The following BDP1 variants were observed in gnomAD, a reference collection of about 807,000 sequenced individuals.
BDP1 encodes the protein transcription factor TFIIIB component B'' homolog.
A neutral mutation model predicts 266.6 loss-of-function variants in BDP1; 169 were observed. The ratio of observed to expected loss-of-function variants is 0.63; its 90% CI spans 0.56 to 0.72. The LOEUF (loss-of-function observed/expected upper bound fraction) is 0.72. Among genes scored for constraint, BDP1 ranks in the 30% least tolerant of loss-of-function variants. BDP1 has a pLI of 0.00. For missense variants in BDP1, 3,015 were observed against 3,053.8 expected, an observed-to-expected ratio of 0.99 and a Z score of 0.30; for synonymous variants, 1,090 against 1,022.4, an observed-to-expected ratio of 1.07 and a Z score of -1.26.
rs1309653826 is a variant in BDP1 at position 71,467,389 on chromosome 5, GTGT to G, written c.827_829del (p.Val276del). 1.2e-6 allele frequency: 2 copies of G among 1,609,782 alleles called. No individual in the cohort carries two copies. The highest frequency in any genetic ancestry group is 1.3e-5 in the African/African-American group (1 of 74,816). On this transcript the variant is annotated inframe_deletion, in exon 6 of 39. Coordinates refer to ENST00000358731, the MANE Select transcript of BDP1 (RefSeq NM_018429.3). The stretch of plus-strand genomic sequence containing the variant: ...GAAGTTTTAAGAACAAAAGGCCCTT[GTGT>G]TGTTGAAGAAAATGACCCCATATTT...
intron 1 of BDP1, among the ~76,000 whole-genome samples, chr5:71,457,307 G>GTT (rs780891505): frequency 5.6e-5 from 7 of 126,048 alleles, no homozygotes; most frequent in African/African-American, 1.5e-4. Context: ...TGGGAAAGTG[G>GTT]TTTTTTTTTT....
At chr5:71,467,292 C>T in intron 5 of BDP1, 62 bp from the exon 6 acceptor site, 1 of 1,334,602 alleles carries the variant, frequency 7.5e-7, no homozygotes, top group Middle Eastern at 1.9e-4. Flanking sequence ...CTATTTACAT[C>T]TCATTTGCTA....
intron 22 of BDP1, among the ~76,000 whole-genome samples, chr5:71,521,438 A>G (rs1765490133): frequency 6.6e-6 from 1 of 151,484 alleles, no homozygotes; most frequent in Admixed American, 6.6e-5. Context: ...GACTTCAGGC[A>G]TGCACGACCA....
chr5:71,475,159 A>G (rs986153736), intron 7 of BDP1, among the ~76,000 whole-genome samples: 6 of 152,080 alleles, frequency 3.9e-5, no homozygotes, highest in African/African-American at 1.4e-4. Flanking sequence ...ATTACGGCTC[A>G]CTGCAGCCTC....
the BDP1 span, among the ~76,000 whole-genome samples, chr5:71,575,594 A>G: frequency 6.6e-6 from 1 of 152,228 alleles, no homozygotes; most frequent in South Asian, 2.1e-4. Flanking sequence ...TACCATCTCC[A>G]GCGGCTATTC....
In BDP1 at chr5:71,478,144, G is replaced by A. The variant is rs545469876; in HGVS notation, c.1015-5698G>A. ...ACATGCCTGTAATCCCAGCTACTCG[G>A]GAGGCTGAGGCAGGAGAGTCGCTTG... is the stretch of plus-strand genomic sequence containing the variant. On this transcript the variant is annotated intron_variant, in intron 7 of 38. Transcript: ENST00000358731. Among the ~76,000 whole-genome samples, 54 of 152,260 alleles carry A rather than the reference G, an allele frequency of 3.5e-4. 1 individual carries two copies. Among genetic ancestry groups the A allele is most frequent in the African/African-American group, 1.2e-3 (50 of 41,544 alleles).
intron 7 of BDP1, among the ~76,000 whole-genome samples, chr5:71,478,854 C>G (rs1409443649): frequency 1.3e-5 from 2 of 152,072 alleles, no homozygotes; most frequent in East Asian, 3.8e-4. Flanking sequence ...TACAGGTTAC[C>G]AAAGCTCTGA....
At chr5:71,569,116 G>A (rs1236533936), downstream of BDP1, among the ~76,000 whole-genome samples, 6 of 152,152 alleles carry the variant, frequency 3.9e-5, no homozygotes, top group Non-Finnish European at 8.8e-5. Flanking sequence ...CAAGACCAGT[G>A]GTTCCCAAAC....
Position 71,467,493 on chromosome 5 carries a change from T to G in BDP1, c.919+6T>G. 1 of 1,574,864 alleles carries G rather than the reference T, an allele frequency of 6.3e-7. No homozygotes were observed. Among genetic ancestry groups the G allele is most frequent in the Non-Finnish European group, 8.7e-7 (1 of 1,154,630 alleles). On this transcript the variant is annotated splice_donor_region_variant and intron_variant, in intron 6 of 38. Coordinates refer to ENST00000358731, the MANE Select transcript of BDP1 (RefSeq NM_018429.3). ...TAAACCATGGTCAAATAAAGGTAAC[T>G]AATTTTCATTTAAAAATGTGTAAGT...
At chr5:71,488,792 C>T (rs1763419071) in intron 9 of BDP1, among the ~76,000 whole-genome samples, 1 of 151,786 alleles carries the variant, frequency 6.6e-6, no homozygotes, top group Non-Finnish European at 1.5e-5. Flanking sequence ...ACTGCAACCT[C>T]CGCCTCCCGT....
chr5:71,557,319 C>T (rs1389796820), intron 36 of BDP1, among the ~76,000 whole-genome samples: 1 of 152,074 alleles, frequency 6.6e-6, no homozygotes, highest in Admixed American at 6.6e-5. Context: ...AGCAATCCTC[C>T]CACCTCAGCC....
downstream of BDP1, among the ~76,000 whole-genome samples, chr5:71,568,133 A>C (rs1296478164): frequency 6.6e-6 from 1 of 152,152 alleles, no homozygotes; most frequent in Non-Finnish European, 1.5e-5. Context: ...TGACAGAAGA[A>C]GACCCTGTCT....
Position 71,522,868 on chromosome 5 carries a change from C to T in BDP1, c.5306C>T (p.Ser1769Leu). ...IDAELEEVGP[S>L]RRVGEETVGD... ...GCGGAATTAGAAGAAGTTGGACCAT[C>T]AAGAAGGGTTGGAGAGGAAACTGTA... is the stretch of plus-strand genomic sequence containing the variant. The change falls in exon 24 of 39, where the codon TCA becomes TTA. Residue 1769 changes from serine (S) to leucine (L), a missense_variant. Around this residue, in one of 3 missense-constraint regions of BDP1, gnomAD observed 2,383 missense variants for 2,404.9 expected, o/e 0.99. Transcript: ENST00000358731. The T allele has an allele frequency of 6.2e-7, 1 of 1,613,672 alleles. No individual in the cohort carries two copies. Among genetic ancestry groups the T allele is most frequent in the East Asian group, 2.2e-5 (1 of 44,846 alleles).
At chr5:71,458,972 T>A (rs1761370273) in intron 2 of BDP1, 117 bp downstream of exon 2, 1 of 914,240 alleles carries the variant, frequency 1.1e-6, no homozygotes, top group African/African-American at 1.7e-5. Flanking sequence ...TAACATCCCT[T>A]AGTCAATAGA....
At chr5:71,538,264 G>A (rs7721367) in intron 26 of BDP1, among the ~76,000 whole-genome samples, 12 of 152,112 alleles carry the variant, frequency 7.9e-5, no homozygotes, top group African/African-American at 2.9e-4. Context: ...ATATTGGTCT[G>A]TACTTTTCTT....
At chr5:71,471,018 C>T (rs1241417072) in intron 7 of BDP1, among the ~76,000 whole-genome samples, 4 of 150,088 alleles carry the variant, frequency 2.7e-5, no homozygotes, top group Non-Finnish European at 5.9e-5. Context: ...CTTATATCTT[C>T]TTCATTTCTA....
rs555854086 is a variant in BDP1 at position 71,559,046 on chromosome 5, C to T, written c.7241-936C>T. ...GTGCATGCCTGTAATCCCAGCTACT[C>T]GGGAGGCTGAGGTGAGTGAATTGCT... is the stretch of plus-strand genomic sequence containing the variant. On this transcript the variant is annotated intron_variant, in intron 36 of 38. Coordinates refer to ENST00000358731, the MANE Select transcript of BDP1 (RefSeq NM_018429.3). Among the ~76,000 whole-genome samples the T allele has an allele frequency of 6.6e-4, 100 of 151,368 alleles. 1 individual carries two copies. Among genetic ancestry groups the T allele is most frequent in the Non-Finnish European group, 1.2e-3 (78 of 67,824 alleles).
At chr5:71,498,151 C>T (rs988631651) in intron 13 of BDP1, among the ~76,000 whole-genome samples, 7 of 151,988 alleles carry the variant, frequency 4.6e-5, no homozygotes, top group East Asian at 3.9e-4. Context: ...GGGGTTTCAC[C>T]GCGTTAGCCA....
chr5:71,481,099 G>A (rs549513277), intron 7 of BDP1, among the ~76,000 whole-genome samples: 33 of 151,978 alleles, frequency 2.2e-4, no homozygotes, highest in African/African-American at 6.3e-4. Context: ...GCATGAACCC[G>A]GGATGCAGAG....
Sources: gnomAD v4.1 joint callset for allele counts (sites outside exome capture counted in the v4.1 genomes callset) on GRCh38, gnomAD v4.1.1 for gene constraint, gnomAD v4.1.1 regional missense constraint, MANE v1.5 for transcripts, NCBI Gene and HGNC (gene_info 2026-07-23, HGNC 2026-07-21) for gene names.